ATF7IP2: variants seen among roughly 807,000 people sequenced by gnomAD.
ATF7IP2 encodes activating transcription factor 7-interacting protein 2.
ATF7IP2 carries 42 observed loss-of-function variants against 64.2 expected under a neutral mutation model. The observed-to-expected ratio is 0.65, with a 90% CI of 0.51 to 0.85. The LOEUF is 0.85. Among genes scored for constraint, ATF7IP2 ranks in the 40% least tolerant of loss-of-function variants. The pLI is 0.00. For synonymous variants in ATF7IP2, 308 were observed against 272.8 expected (o/e 1.13, Z -1.27); for missense variants, 933 against 784.2 (o/e 1.19, Z -2.27).
chr16:10,408,995 A>G (rs554507905), intron 1 of ATF7IP2, among the ~76,000 whole-genome samples: 1 of 152,364 alleles, frequency 6.6e-6, no homozygotes, highest in East Asian at 1.9e-4. Context: ...CCAGCAAGGC[A>G]ATTTACTTCT....
intron 8 of ATF7IP2, 176 bp from the exon 9 acceptor site, chr16:10,457,196 T>A: frequency 3.6e-6 from 2 of 550,474 alleles, no homozygotes; most frequent in Non-Finnish European, 6.3e-6. Flanking sequence ...TCGGAGTTTT[T>A]AAAAATTCAT....
At chr16:10,414,664 T>TGG (rs1455041438) in intron 2 of ATF7IP2, 52 bp downstream of exon 2, 2 of 980 alleles carry the variant, frequency 2.0e-3, no homozygotes, top group African/African-American at 6.2e-3. Flanking sequence ...TGTGTGTGTT[T>TGG]GGGCGGGGGG....
intron 10 of ATF7IP2, 111 bp from the exon 11 acceptor site, chr16:10,473,368 C>T (rs1468574661): frequency 2.9e-6 from 2 of 687,684 alleles, no homozygotes; most frequent in African/African-American, 3.7e-5. Flanking sequence ...CTTTTTATCA[C>T]TGTATAATTA....
At chr16:10,477,405 G>A (rs886515631) in intron 12 of ATF7IP2, among the ~76,000 whole-genome samples, 2 of 152,072 alleles carry the variant, frequency 1.3e-5, no homozygotes, top group East Asian at 3.9e-4. Flanking sequence ...ATGCAGAAAA[G>A]GCCTTTGACA....
intron 1 of ATF7IP2, among the ~76,000 whole-genome samples, 172 bp from the exon 2 acceptor site, chr16:10,414,402 G>A (rs556760672): frequency 6.6e-6 from 1 of 152,002 alleles, no homozygotes; most frequent in Admixed American, 6.6e-5. Flanking sequence ...TTCTATAAAT[G>A]TGTCCATTAT....
At chr16:10,408,971 G>T (rs879309610) in intron 1 of ATF7IP2, among the ~76,000 whole-genome samples, 3 of 152,134 alleles carry the variant, frequency 2.0e-5, no homozygotes, top group South Asian at 2.1e-4. Flanking sequence ...ACCAGCACTC[G>T]GGCAAAAGTT....
chr16:10,390,217 A>G (rs1432274372), intron 1 of ATF7IP2, among the ~76,000 whole-genome samples: 4 of 152,222 alleles, frequency 2.6e-5, no homozygotes, highest in Admixed American at 2.0e-4. Flanking sequence ...CCAATGAAGC[A>G]GGAAAAAACC....
chr16:10,456,031 G>A (rs908847870), intron 8 of ATF7IP2, among the ~76,000 whole-genome samples: 1 of 150,376 alleles, frequency 6.6e-6, no homozygotes, highest in African/African-American at 2.5e-5. Flanking sequence ...CCAGGCTGGA[G>A]TGCAGTGACA....
intron 1 of ATF7IP2, among the ~76,000 whole-genome samples, chr16:10,412,038 T>TTAAGTTC (rs2047777812): frequency 6.9e-6 from 1 of 145,938 alleles, no homozygotes; most frequent in Non-Finnish European, 1.5e-5. Context: ...TTTTTTTTTT[T>TTAAGTTC]TACACTTTTA....
At chr16:10,464,179 T>C (rs970950115) in intron 9 of ATF7IP2, among the ~76,000 whole-genome samples, 1 of 152,214 alleles carries the variant, frequency 6.6e-6, no homozygotes, top group African/African-American at 2.4e-5. Context: ...ATTTTTCAAA[T>C]TGCTCAAGTG....
chr16:10,481,689 C>T (rs577425739), intron 13 of ATF7IP2, 147 bp from the exon 14 acceptor site: 1 of 652,696 alleles, frequency 1.5e-6, no homozygotes. Flanking sequence ...AAAGAGGATT[C>T]TGCTTAAAGG....
At chr16:10,419,329 C>G (rs2047944025) in intron 2 of ATF7IP2, among the ~76,000 whole-genome samples, 1 of 152,092 alleles carries the variant, frequency 6.6e-6, no homozygotes, top group Non-Finnish European at 1.5e-5. Context: ...CAGTTCCTTC[C>G]TCATGTGGGT....
At chr16:10,417,681 A>G (rs1254123665) in intron 2 of ATF7IP2, among the ~76,000 whole-genome samples, 2 of 152,160 alleles carry the variant, frequency 1.3e-5, no homozygotes, top group African/African-American at 2.4e-5. Context: ...TGGTCCTAAA[A>G]TTTATATGGA....
At chr16:10,415,556 T>A (rs2047855931) in intron 2 of ATF7IP2, among the ~76,000 whole-genome samples, 1 of 152,206 alleles carries the variant, frequency 6.6e-6, no homozygotes, top group Non-Finnish European at 1.5e-5. Flanking sequence ...AGGACATTGT[T>A]CTGGGCAAAA....
At chr16:10,407,090 A>T (rs1332446834) in intron 1 of ATF7IP2, among the ~76,000 whole-genome samples, 1 of 152,224 alleles carries the variant, frequency 6.6e-6, no homozygotes, top group Non-Finnish European at 1.5e-5. Context: ...CTAGCTATCA[A>T]TGTGATACAT....
At chr16:10,393,748 T>C (rs970012032) in intron 1 of ATF7IP2, among the ~76,000 whole-genome samples, 1 of 152,192 alleles carries the variant, frequency 6.6e-6, no homozygotes, top group Admixed American at 6.5e-5. Flanking sequence ...AGCATCTGTA[T>C]GTCAATAGTA....
intron 9 of ATF7IP2, among the ~76,000 whole-genome samples, chr16:10,462,322 C>G (rs1435041125): frequency 1.3e-5 from 2 of 151,930 alleles, no homozygotes; most frequent in Non-Finnish European, 2.9e-5. Context: ...GTAGTTTCAT[C>G]TTTCCATCTG....
chr16:10,431,235 C>T lies in ATF7IP2; in HGVS notation c.615C>T (p.Ser205=), dbSNP rs2048239281. The change falls in exon 5 of 14, where the codon TCC becomes TCT. Residue 205 remains serine (S), a synonymous_variant. Coordinates refer to ENST00000562102, the MANE Select transcript of ATF7IP2 (RefSeq NM_001393719.1). Reference sequence around the variant, plus strand: ...TGGTTTTCCATTTAGAAACAAACTCCAATTCAGAATCACATGATAAAAGGC... The same window carrying T: ...TGGTTTTCCATTTAGAAACAAACTCTAATTCAGAATCACATGATAAAAGGC... The part of the protein sequence containing the change: ...DQMVFHLETN[S]NSESHDKRQS... 6.2e-7 allele frequency: 1 copy of T among 1,614,014 alleles called. No individual in the cohort carries two copies. The highest frequency in any genetic ancestry group is 8.5e-7 in the Non-Finnish European group (1 of 1,180,008).
At chr16:10,452,339 T>A (rs2049011912) in intron 8 of ATF7IP2, among the ~76,000 whole-genome samples, 1 of 152,198 alleles carries the variant, frequency 6.6e-6, no homozygotes, top group South Asian at 2.1e-4. Flanking sequence ...TTGATGCTAT[T>A]CCTTTCTGTT....
Sources: gnomAD v4.1 joint callset for allele counts (sites outside exome capture counted in the v4.1 genomes callset) on GRCh38, gnomAD v4.1.1 for gene constraint, MANE v1.5 for transcripts, NCBI Gene and HGNC (gene_info 2026-07-23, HGNC 2026-07-21) for gene names.